Variants in GABRG3 observed in about 807,000 individuals in gnomAD.
GABRG3 encodes the protein gamma-aminobutyric acid receptor subunit gamma-3.
In GABRG3, 25 loss-of-function variants were observed where a neutral mutation model predicts 48.8. The observed-to-expected ratio is 0.51, with a 90% CI of 0.37 to 0.72. The LOEUF (loss-of-function observed/expected upper bound fraction) is 0.72. Ranked by LOEUF, GABRG3 falls within the 30% of genes least tolerant of loss-of-function variation. The pLI, the probability that GABRG3 is intolerant of heterozygous loss-of-function variation, is 0.00. For synonymous variants in GABRG3, 227 were observed against 217.6 expected, an observed-to-expected ratio of 1.04 and a Z score of -0.38; for missense variants, 394 against 577.9, an observed-to-expected ratio of 0.68 and a Z score of 3.26.
chr15:27,257,696 A>G (rs192500437), intron 3 of GABRG3, among the ~76,000 whole-genome samples: 1 of 152,232 alleles, frequency 6.6e-6, no homozygotes, highest in Admixed American at 6.5e-5. Context: ...TTTTAGACAC[A>G]TGGTTTTGCT....
chr15:27,514,977 T>A (rs563704936), intron 6 of GABRG3, among the ~76,000 whole-genome samples: 1 of 146,108 alleles, frequency 6.8e-6, no homozygotes, highest in South Asian at 2.2e-4. Flanking sequence ...TCCTGGGTTA[T>A]TAAGGAACAA....
chr15:27,390,958 A>G, intron 5 of GABRG3, among the ~76,000 whole-genome samples: 1 of 151,918 alleles, frequency 6.6e-6, no homozygotes, highest in East Asian at 1.9e-4. Context: ...GTGTGGTGGC[A>G]TGTGCCTGTA....
At chr15:27,187,739 A>G (rs1385933707) in intron 3 of GABRG3, among the ~76,000 whole-genome samples, 2 of 151,806 alleles carry the variant, frequency 1.3e-5, no homozygotes, top group African/African-American at 4.8e-5. Context: ...TTATTTTATT[A>G]TTATACTTTT....
intron 3 of GABRG3, among the ~76,000 whole-genome samples, chr15:27,262,534 T>C (rs1416542738): frequency 6.6e-6 from 1 of 152,174 alleles, no homozygotes; most frequent in Admixed American, 6.5e-5. Flanking sequence ...CCCATCTGAG[T>C]ATTGAGGAAG....
intron 5 of GABRG3, among the ~76,000 whole-genome samples, chr15:27,410,742 A>T (rs375416084): frequency 6.6e-5 from 10 of 151,998 alleles, no homozygotes; most frequent in African/African-American, 1.7e-4. Context: ...TTTTTTCCAA[A>T]GCCATTTTTG....
At chr15:27,092,624 G>A (rs953224878) in intron 3 of GABRG3, among the ~76,000 whole-genome samples, 1 of 152,172 alleles carries the variant, frequency 6.6e-6, no homozygotes, top group Non-Finnish European at 1.5e-5. Flanking sequence ...GCTTAATCTC[G>A]GGTGATTTAG....
At chr15:26,977,307 C>T (rs1894970007) in intron 2 of GABRG3, among the ~76,000 whole-genome samples, 157 bp downstream of exon 2, 1 of 152,160 alleles carries the variant, frequency 6.6e-6, no homozygotes, top group Non-Finnish European at 1.5e-5. Context: ...TGATACCAAA[C>T]CAGGAGACTG....
intron 6 of GABRG3, among the ~76,000 whole-genome samples, chr15:27,491,521 G>C (rs1164811433): frequency 6.6e-6 from 1 of 152,086 alleles, no homozygotes; most frequent in Non-Finnish European, 1.5e-5. Flanking sequence ...CTACCACCTT[G>C]ATTCTACAGT....
At chr15:27,101,851 A>AAAT (rs959839192) in intron 3 of GABRG3, among the ~76,000 whole-genome samples, 4 of 151,754 alleles carry the variant, frequency 2.6e-5, no homozygotes, top group African/African-American at 9.7e-5. Context: ...CTAAAAAAAA[A>AAAT]AAAAAAAAAA....
chr15:27,385,427 G>A (rs961800485), intron 5 of GABRG3, among the ~76,000 whole-genome samples: 15 of 151,486 alleles, frequency 9.9e-5, no homozygotes, highest in African/African-American at 3.6e-4. Context: ...AATTTTGAAA[G>A]TTTTCAACCA....
chr15:27,262,871 T>C (rs1014634539), intron 3 of GABRG3, among the ~76,000 whole-genome samples: 1 of 152,254 alleles, frequency 6.6e-6, no homozygotes, highest in African/African-American at 2.4e-5. Flanking sequence ...CACTAACTTA[T>C]ATGTTTCCTC....
chr15:27,394,561 G>T (rs1002310263), intron 5 of GABRG3, among the ~76,000 whole-genome samples: 4 of 151,996 alleles, frequency 2.6e-5, no homozygotes, highest in Non-Finnish European at 4.4e-5. Flanking sequence ...TTTGTTGTAT[G>T]GCTTCTGATT....
At position 27,533,166 on chromosome 15, in the gene GABRG3, T is replaced by C. The variant is rs576703354; in HGVS notation, c.*285T>C. On this transcript the variant is annotated 3_prime_UTR_variant, in exon 10 of 10. Coordinates refer to ENST00000615808, the MANE Select transcript of GABRG3 (RefSeq NM_033223.5). Reference sequence around the variant, plus strand: ...GTTGTTTCTGAATGGTTTTTGGATATTGGAAGCAGCCGCTGATTACCCTTG... The same window carrying C: ...GTTGTTTCTGAATGGTTTTTGGATACTGGAAGCAGCCGCTGATTACCCTTG... The C allele has an allele frequency of 6.6e-5, 23 of 350,390 alleles. No homozygotes were observed. In the South Asian group the frequency reaches 9.7e-4, roughly 15 times the overall value. 21.7% of individuals were successfully genotyped at this position (350,390 alleles called of 1,614,324 possible).
At chr15:27,356,342 A>C (rs1449504172) in intron 5 of GABRG3, among the ~76,000 whole-genome samples, 1 of 152,064 alleles carries the variant, frequency 6.6e-6, no homozygotes, top group African/African-American at 2.4e-5. Flanking sequence ...TCTTTGAATC[A>C]GTGATTCCAG....
rs142683133 is a variant in GABRG3 at position 27,255,673 on chromosome 15, T to C, written c.271-71136T>C. Among the ~76,000 whole-genome samples, 316 of 152,304 alleles carry C rather than the reference T, an allele frequency of 2.1e-3. 2 individuals are homozygous for C. Among genetic ancestry groups the C allele is most frequent in the African/African-American group, 7.0e-3 (292 of 41,578 alleles). ...TTATTCAGCTCCAGGAAGCACCTTA[T>C]GTATTTTATCACATGCATCCTCCCA... On this transcript the variant is annotated intron_variant, in intron 3 of 9. Transcript: ENST00000615808.
intron 2 of GABRG3, among the ~76,000 whole-genome samples, chr15:27,000,668 G>A (rs1242848745): frequency 1.3e-5 from 2 of 152,108 alleles, no homozygotes; most frequent in African/African-American, 2.4e-5. Flanking sequence ...CTCTGGCCAT[G>A]TGACAGTGCT....
At chr15:27,091,657 G>T (rs141968998) in intron 3 of GABRG3, among the ~76,000 whole-genome samples, 3 of 152,080 alleles carry the variant, frequency 2.0e-5, no homozygotes, top group Admixed American at 2.0e-4. Context: ...AGATCTGTTC[G>T]GATTTTCCAT....
chr15:27,340,914 G>A, intron 5 of GABRG3: 2 of 469,934 alleles, frequency 4.3e-6, no homozygotes, highest in South Asian at 3.3e-5. Context: ...TGCAGCATTT[G>A]CTTTTTGAAA....
intron 5 of GABRG3, among the ~76,000 whole-genome samples, chr15:27,441,522 G>A (rs949837866): frequency 2.0e-5 from 3 of 152,154 alleles, no homozygotes; most frequent in African/African-American, 7.2e-5. Context: ...GTCCCAAGAG[G>A]AGCATGATGA....
Sources: gnomAD v4.1 joint callset for allele counts (sites outside exome capture counted in the v4.1 genomes callset) on GRCh38, gnomAD v4.1.1 for gene constraint, MANE v1.5 for transcripts, NCBI Gene and HGNC (gene_info 2026-07-23, HGNC 2026-07-21) for gene names.